C8orf34: variants seen among roughly 807,000 people sequenced by gnomAD.
The protein encoded by C8orf34 is chromosome 8 open reading frame 34.
Under a neutral mutation model 68.3 loss-of-function variants are expected in C8orf34, and 65 were observed. The observed-to-expected ratio is 0.95, with a 90% CI of 0.78 to 1.17. The LOEUF is 1.17. Among genes scored for constraint, C8orf34 ranks in the 50% most tolerant of loss-of-function variants. The pLI, the probability that C8orf34 is intolerant of heterozygous loss-of-function variation, is 0.00. For missense variants in C8orf34, 664 were observed against 655.4 expected, an observed-to-expected ratio of 1.01 and a Z score of -0.14; for synonymous variants, 244 against 241.2, an observed-to-expected ratio of 1.01 and a Z score of -0.11.
chr8:68,640,420 C>A lies in C8orf34; in HGVS notation c.1150C>A (p.Pro384Thr). Residue 384 changes from proline to threonine, a missense_variant, in exon 8 of 14, where the codon CCT becomes ACT. Pro to Thr is a conservative substitution (Grantham distance 38). Coordinates refer to ENST00000518698, the MANE Select transcript of C8orf34 (RefSeq NM_052958.4). The part of the protein sequence containing the change: ...LRMEGVTTLV[P>T]SGSKFNQGRP... ...AATGGAGGGAGTAACAACCCTGGTACCTTCTGGGAGCAAATTTAACCAAGG... is the reference window on the plus strand; with the variant it reads ...AATGGAGGGAGTAACAACCCTGGTAACTTCTGGGAGCAAATTTAACCAAGG... 1 of 1,613,722 alleles carries A rather than the reference C, an allele frequency of 6.2e-7. No homozygotes were observed. Among genetic ancestry groups the A allele is most frequent in the South Asian group, 1.1e-5 (1 of 91,072 alleles).
intron 7 of C8orf34, among the ~76,000 whole-genome samples, chr8:68,564,326 T>C (rs1260396398): frequency 6.6e-6 from 1 of 152,212 alleles, no homozygotes; most frequent in African/African-American, 2.4e-5. Context: ...TAACTTCAGC[T>C]TATTGAAACA....
chr8:68,420,001 G>A (rs1809883960), intron 1 of C8orf34, among the ~76,000 whole-genome samples: 1 of 145,048 alleles, frequency 6.9e-6, no homozygotes, highest in Non-Finnish European at 1.5e-5. Flanking sequence ...AAAGAAAAAA[G>A]ACAAAAAAAA....
intron 7 of C8orf34, among the ~76,000 whole-genome samples, chr8:68,583,363 A>G (rs1817120565): frequency 6.6e-6 from 1 of 152,184 alleles, no homozygotes; most frequent in Non-Finnish European, 1.5e-5. Flanking sequence ...ACTAATTAAT[A>G]TCTCCACTTA....
chr8:68,451,137 G>C (rs983327752), intron 3 of C8orf34, among the ~76,000 whole-genome samples: 1 of 152,012 alleles, frequency 6.6e-6, no homozygotes, highest in Non-Finnish European at 1.5e-5. Context: ...ACCAACATCT[G>C]CTAGCTTTCA....
At chr8:68,590,480 C>T (rs1447902527) in intron 7 of C8orf34, among the ~76,000 whole-genome samples, 2 of 151,846 alleles carry the variant, frequency 1.3e-5, no homozygotes, top group Non-Finnish European at 2.9e-5. Context: ...TCCTGTTGTA[C>T]GGGAACAGGA....
intron 1 of C8orf34, among the ~76,000 whole-genome samples, chr8:68,413,735 C>A (rs1377842066): frequency 6.6e-6 from 1 of 152,220 alleles, no homozygotes; most frequent in Non-Finnish European, 1.5e-5. Flanking sequence ...CACTGCTTTC[C>A]ACCCTCACTT....
At chr8:68,418,456 T>G (rs181749541) in intron 1 of C8orf34, among the ~76,000 whole-genome samples, 27 of 152,276 alleles carry the variant, frequency 1.8e-4, no homozygotes, top group African/African-American at 6.3e-4. Context: ...CTTATTATTT[T>G]GAAATACGTC....
rs1814425362 is a variant in C8orf34 at position 68,514,617 on chromosome 8, G to A, written c.766-7182G>A. Among the ~76,000 whole-genome samples, 4 of 152,264 alleles carry A rather than the reference G, an allele frequency of 2.6e-5. No individual in the cohort carries two copies. In the South Asian group the frequency reaches 8.3e-4, roughly 32 times the overall value. On this transcript the variant is annotated intron_variant, in intron 5 of 13. Coordinates refer to ENST00000518698, the MANE Select transcript of C8orf34 (RefSeq NM_052958.4). ...GTATTAAATATTTTGAAGAGTGAGT[G>A]TTTTCAGAATATCCAGCCCATAATA...
intron 12 of C8orf34, among the ~76,000 whole-genome samples, chr8:68,807,404 G>A (rs1235693440): frequency 6.6e-6 from 1 of 152,126 alleles, no homozygotes; most frequent in Admixed American, 6.5e-5. Flanking sequence ...AATAAATGTA[G>A]TGTGTTTCCC....
intron 9 of C8orf34, among the ~76,000 whole-genome samples, chr8:68,721,119 A>G (rs1368194412): frequency 2.6e-5 from 4 of 152,154 alleles, no homozygotes; most frequent in South Asian, 4.1e-4. Flanking sequence ...TATAACTAAG[A>G]TAACTGTGGC....
intron 1 of C8orf34, among the ~76,000 whole-genome samples, chr8:68,424,359 A>G (rs1810115689): frequency 6.6e-6 from 1 of 152,180 alleles, no homozygotes; most frequent in Non-Finnish European, 1.5e-5. Context: ...ATGATAGGAT[A>G]TAACTAAATA....
chr8:68,469,872 TTA>T (rs34205013), intron 4 of C8orf34, among the ~76,000 whole-genome samples: 100,865 of 150,176 alleles, frequency 0.67, 34,446 homozygotes, highest in African/African-American at 0.82. Flanking sequence ...TGAAAGAAGT[TTA>T]TATATATATA....
At chr8:68,727,164 T>C (rs1821854383) in intron 10 of C8orf34, among the ~76,000 whole-genome samples, 2 of 152,132 alleles carry the variant, frequency 1.3e-5, no homozygotes, top group African/African-American at 2.4e-5. Context: ...ATTGGGTAAA[T>C]ACAGCTATTC....
intron 12 of C8orf34, chr8:68,790,696 G>C: frequency 2.2e-6 from 1 of 450,852 alleles, no homozygotes; most frequent in South Asian, 5.7e-5. Context: ...TTGTGTCAGG[G>C]TTGTGTTTCT....
At chr8:68,519,778 AT>A (rs1814672713) in intron 5 of C8orf34, among the ~76,000 whole-genome samples, 1 of 152,164 alleles carries the variant, frequency 6.6e-6, no homozygotes, top group African/African-American at 2.4e-5. Flanking sequence ...TTACTAATTC[AT>A]TTGATACAAT....
intron 3 of C8orf34, among the ~76,000 whole-genome samples, chr8:68,452,841 A>G (rs1414555355): frequency 6.6e-6 from 1 of 151,336 alleles, no homozygotes; most frequent in Non-Finnish European, 1.5e-5. Context: ...AACTCTTGCC[A>G]AATCCAAGGT....
chr8:68,402,256 C>A (rs1808991568), intron 1 of C8orf34, among the ~76,000 whole-genome samples: 1 of 152,056 alleles, frequency 6.6e-6, no homozygotes. Flanking sequence ...TGTAATGTCT[C>A]ATTTTTCATT....
chr8:68,521,024 C>T (rs1024624912), intron 5 of C8orf34, among the ~76,000 whole-genome samples: 4 of 152,134 alleles, frequency 2.6e-5, no homozygotes, highest in African/African-American at 9.6e-5. Context: ...GCATATCAAG[C>T]AGTTCTTTGC....
intron 10 of C8orf34, among the ~76,000 whole-genome samples, chr8:68,753,753 G>A (rs1430139210): frequency 3.3e-5 from 5 of 152,144 alleles, no homozygotes; most frequent in East Asian, 1.9e-4. Context: ...TTTGAAAACC[G>A]TTTTTCATTG....
Sources: allele counts gnomAD v4.1 joint callset (sites outside exome capture counted in the v4.1 genomes callset), GRCh38; gene constraint gnomAD v4.1.1; transcripts MANE v1.5; gene names NCBI Gene and HGNC (gene_info 2026-07-23, HGNC 2026-07-21).